Variants in ANKFN1 observed in about 807,000 individuals in gnomAD.
ANKFN1 encodes the protein ankyrin repeat and fibronectin type III domain containing 1.
In ANKFN1, 74 loss-of-function variants were observed where a neutral mutation model predicts 108.7. That is an observed-to-expected ratio of 0.68 (90% CI 0.56 to 0.83). ANKFN1 has a LOEUF of 0.83. Among genes scored for constraint, ANKFN1 ranks in the 40% least tolerant of loss-of-function variants. The probability of loss-of-function intolerance (pLI) is 0.00; values close to 1 mark genes in which losing one functional copy is unlikely to be tolerated. For missense variants in ANKFN1, 1,505 were observed against 1,382.3 expected (o/e 1.09, Z -1.41); for synonymous variants, 547 against 516.2 (o/e 1.06, Z -0.81).
chr17:56,189,201 C>A, intron 1 of ANKFN1, among the ~76,000 whole-genome samples: 1 of 67,146 alleles, frequency 1.5e-5, no homozygotes, highest in South Asian at 4.5e-4. Context: ...GACGGAGTCT[C>A]GCTCTGTCGC....
At chr17:56,318,234 G>T (rs1048925047) in intron 3 of ANKFN1, among the ~76,000 whole-genome samples, 1 of 152,006 alleles carries the variant, frequency 6.6e-6, no homozygotes, top group Admixed American at 6.6e-5. Context: ...GATAATTAAT[G>T]GTTCTGGGGG....
intron 20 of ANKFN1, among the ~76,000 whole-genome samples, chr17:56,502,478 A>C (rs1008946664): frequency 6.6e-6 from 1 of 152,214 alleles, no homozygotes; most frequent in Non-Finnish European, 1.5e-5. Flanking sequence ...ATGAGCTATG[A>C]AACACAAAGA....
At chr17:56,214,359 G>A (rs1265256483) in intron 2 of ANKFN1, among the ~76,000 whole-genome samples, 5 of 152,132 alleles carry the variant, frequency 3.3e-5, no homozygotes, top group Non-Finnish European at 7.3e-5. Flanking sequence ...GAAAAGCTTC[G>A]CAGAGGGGCT....
intron 11 of ANKFN1, among the ~76,000 whole-genome samples, chr17:56,449,932 AG>A (rs1177452938): frequency 1.1e-4 from 16 of 152,194 alleles, no homozygotes; most frequent in African/African-American, 3.6e-4. Context: ...AGAATCTCTG[AG>A]AAGGCTTTAA....
intron 6 of ANKFN1, among the ~76,000 whole-genome samples, chr17:56,372,037 A>T (rs2046824406): frequency 6.6e-6 from 1 of 152,202 alleles, no homozygotes; most frequent in Non-Finnish European, 1.5e-5. Context: ...ATCAGAACTC[A>T]CTAGCTCAAC....
chr17:56,090,668 G>A (rs1905398084), intron 4 of ANKFN1, among the ~76,000 whole-genome samples: 1 of 151,090 alleles, frequency 6.6e-6, no homozygotes, highest in Non-Finnish European at 1.5e-5. Context: ...GTGCAGTGGT[G>A]CAATCATGGC....
intron 1 of ANKFN1, among the ~76,000 whole-genome samples, chr17:56,202,086 C>A (rs1158928301): frequency 6.6e-6 from 1 of 152,158 alleles, no homozygotes; most frequent in Non-Finnish European, 1.5e-5. Flanking sequence ...CTTTTCCAAC[C>A]CTTTTCCAGA....
At chr17:56,261,588 C>T (rs1035483899) in intron 3 of ANKFN1, among the ~76,000 whole-genome samples, 1 of 151,862 alleles carries the variant, frequency 6.6e-6, no homozygotes, top group African/African-American at 2.4e-5. Context: ...AGTGCAGCCT[C>T]CAGTCTGTGG....
chr17:56,344,233 TTAA>T (rs1385532747), intron 4 of ANKFN1, among the ~76,000 whole-genome samples: 1 of 152,078 alleles, frequency 6.6e-6, no homozygotes, highest in African/African-American at 2.4e-5. Flanking sequence ...TCATTGTTGT[TTAA>T]TGAGTTTTCA....
At chr17:56,210,385 T>A (rs898951965) in intron 1 of ANKFN1, among the ~76,000 whole-genome samples, 2 of 152,220 alleles carry the variant, frequency 1.3e-5, no homozygotes, top group East Asian at 3.8e-4. Flanking sequence ...TTTCACCACA[T>A]CCATGCCAAC....
intron 4 of ANKFN1, among the ~76,000 whole-genome samples, chr17:56,108,780 T>C (rs974936102): frequency 6.6e-6 from 1 of 152,202 alleles, no homozygotes; most frequent in African/African-American, 2.4e-5. Context: ...CAAGGAAGTA[T>C]GGGGAACAAA....
At chr17:56,088,552 C>G (rs1905356496) in intron 4 of ANKFN1, among the ~76,000 whole-genome samples, 1 of 150,906 alleles carries the variant, frequency 6.6e-6, no homozygotes, top group African/African-American at 2.4e-5. Flanking sequence ...ATATGTCCCT[C>G]TTTGCCTCCC....
intron 8 of ANKFN1, among the ~76,000 whole-genome samples, chr17:56,413,594 T>TTCC (rs1174827164): frequency 2.6e-5 from 4 of 152,236 alleles, no homozygotes; most frequent in Non-Finnish European, 5.9e-5. Context: ...TTGAGTTATA[T>TTCC]TCCTTCAATA....
At chr17:56,503,486 CATATATATATATATATATAT>C (rs3052391) in intron 20 of ANKFN1, among the ~76,000 whole-genome samples, 2,332 of 81,556 alleles carry the variant, frequency 0.029, 166 homozygotes, top group African/African-American at 0.15. Flanking sequence ...GCACAAATTT[CATATATATATATATATATAT>C]ATATATATAT....
chr17:56,269,613 T>C (rs2043740206), intron 3 of ANKFN1, among the ~76,000 whole-genome samples: 1 of 152,174 alleles, frequency 6.6e-6, no homozygotes, highest in South Asian at 2.1e-4. Flanking sequence ...AGAAAAAAAG[T>C]CTGTGAACTT....
Position 56,460,508 on chromosome 17 carries a change from T to G in ANKFN1, c.1557+2529T>G, listed in dbSNP as rs1416787358. On this transcript the variant is annotated intron_variant, in intron 14 of 20. Transcript: ENST00000682825. Reference sequence around the variant, plus strand: ...CTTCTTCATTCTCCCACATCCCTTCTCCTTCCCCACACTCTCCTTCCCCAC... The same window carrying G: ...CTTCTTCATTCTCCCACATCCCTTCGCCTTCCCCACACTCTCCTTCCCCAC... Among the ~76,000 whole-genome samples the G allele has an allele frequency of 2.6e-5, 4 of 152,006 alleles. No homozygotes were observed. The East Asian group carries it at 7.7e-4, about 29-fold the overall frequency.
At chr17:56,419,817 A>G (rs1233215628) in intron 8 of ANKFN1, among the ~76,000 whole-genome samples, 1 of 151,432 alleles carries the variant, frequency 6.6e-6, no homozygotes, top group East Asian at 1.9e-4. Flanking sequence ...TCTCAAAAAA[A>G]AAAAAAAAAA....
At position 56,477,521 on chromosome 17, in the gene ANKFN1, C is replaced by T. The variant is rs777150563; in HGVS notation, c.1807C>T (p.Arg603Cys). ...ILSYHKRSHQ[R>C]LFPGLYLGYL... is the part of the protein sequence containing the mutation. ...ATCCTATCACAAAAGGAGTCATCAGCGTCTCTTTCCTGGATTATATCTGGG... is the reference window on the plus strand; with the variant it reads ...ATCCTATCACAAAAGGAGTCATCAGTGTCTCTTTCCTGGATTATATCTGGG... The change falls in exon 16 of 21, where the codon CGT becomes TGT. Residue 603 changes from arginine (R) to cysteine (C), a missense_variant. By Grantham distance (180) the Arg-to-Cys change is radical. Coordinates refer to ENST00000682825, the MANE Select transcript of ANKFN1 (RefSeq NM_001370326.1). 44 of 1,610,708 alleles carry T rather than the reference C, an allele frequency of 2.7e-5. No individual in the cohort carries two copies. The South Asian group carries it at 3.0e-4, about 11-fold the overall frequency.
chr17:56,310,532 G>A (rs2044987124), intron 3 of ANKFN1, among the ~76,000 whole-genome samples: 1 of 151,896 alleles, frequency 6.6e-6, no homozygotes, highest in Admixed American at 6.6e-5. Flanking sequence ...CAGGAGAATG[G>A]CGTGAAGCTG....
Sources: gnomAD v4.1 joint callset for allele counts (sites outside exome capture counted in the v4.1 genomes callset) on GRCh38, gnomAD v4.1.1 for gene constraint, MANE v1.5 for transcripts, NCBI Gene and HGNC (gene_info 2026-07-23, HGNC 2026-07-21) for gene names.